LIPA: variants seen among roughly 807,000 people sequenced by gnomAD.
LIPA encodes lysosomal acid lipase/cholesteryl ester hydrolase.
A neutral mutation model predicts 40.6 loss-of-function variants in LIPA; 26 were observed. The ratio of observed to expected loss-of-function variants is 0.64; its 90% CI spans 0.47 to 0.89. The LOEUF (loss-of-function observed/expected upper bound fraction) is 0.89. Among genes scored for constraint, LIPA ranks in the 40% least tolerant of loss-of-function variants. The pLI is 0.00. For synonymous variants in LIPA, 188 were observed against 168.4 expected (o/e 1.12, Z -0.90); for missense variants, 455 against 479.6 (o/e 0.95, Z 0.48).
At chr10:89,247,415 A>C (rs905216524) in intron 2 of LIPA, 123 bp downstream of exon 2, 10 of 585,002 alleles carry the variant, frequency 1.7e-5, no homozygotes, top group African/African-American at 1.4e-4. Flanking sequence ...AAAAAAATTC[A>C]GAGAAATTGA....
intron 1 of LIPA, among the ~76,000 whole-genome samples, chr10:89,264,444 A>G (rs757344101): frequency 6.2e-4 from 94 of 152,208 alleles, no homozygotes; most frequent in Admixed American, 1.4e-3. Flanking sequence ...GATTGTCCCA[A>G]TGAGTGTGCA....
At chr10:89,235,124 G>T (rs1187366403) in intron 3 of LIPA, among the ~76,000 whole-genome samples, 2 of 152,256 alleles carry the variant, frequency 1.3e-5, no homozygotes, top group Non-Finnish European at 1.5e-5. Flanking sequence ...AGTGCTTGAA[G>T]AAAGTAATCT....
intron 1 of LIPA, chr10:89,338,282 T>G (rs1843780060): frequency 5.6e-6 from 1 of 179,382 alleles, no homozygotes; most frequent in Non-Finnish European, 1.2e-5. Context: ...AGTCCAAGTC[T>G]AAAAGTCTGA....
At chr10:89,356,331 G>C (rs1843988249) in intron 2 of LIPA, among the ~76,000 whole-genome samples, 1 of 152,140 alleles carries the variant, frequency 6.6e-6, no homozygotes, top group Admixed American at 6.5e-5. Flanking sequence ...ATCCTTTAAA[G>C]CAGGTGTCCC....
intron 1 of LIPA, among the ~76,000 whole-genome samples, chr10:89,271,087 C>G (rs1048468386): frequency 6.6e-6 from 1 of 152,194 alleles, no homozygotes; most frequent in African/African-American, 2.4e-5. Context: ...GTCACATGAG[C>G]AAGATTCCTG....
intron 2 of LIPA, among the ~76,000 whole-genome samples, chr10:89,408,636 A>G (rs1363844482): frequency 1.3e-5 from 2 of 152,236 alleles, no homozygotes; most frequent in Non-Finnish European, 2.9e-5. Flanking sequence ...GATTTAAAGC[A>G]GATCAAGGCA....
At chr10:89,403,136 G>A (rs1844465931) in intron 2 of LIPA, 4 of 1,613,962 alleles carry the variant, frequency 2.5e-6, no homozygotes, top group South Asian at 1.1e-5. Flanking sequence ...CTGTCTTACT[G>A]CATCACCAGA....
rs144541263 is a variant in LIPA, at chr10:89,383,337, G to C, written c.61+29454C>G. ...TTTACAGTGAAGAATCTGATGGAAA[G>C]CTTATTGAAGACAGCCTGATTCAGC... On this transcript the variant is annotated intron_variant, in intron 2 of 8. Transcript: ENST00000371837. 3.7e-6 allele frequency: 6 copies of C among 1,612,996 alleles called. No homozygotes were observed. In the African/African-American group the frequency reaches 8.0e-5, roughly 22 times the overall value.
chr10:89,340,159 C>T, intron 1 of LIPA: 1 of 1,541,472 alleles, frequency 6.5e-7, no homozygotes, highest in Non-Finnish European at 8.7e-7. Flanking sequence ...CATCAGAAGC[C>T]TGCAGTGGTG....
intron 1 of LIPA, among the ~76,000 whole-genome samples, chr10:89,298,161 C>T (rs1470672102): frequency 1.3e-5 from 2 of 152,358 alleles, no homozygotes; most frequent in East Asian, 3.9e-4. Flanking sequence ...ACTCACCCAC[C>T]TGGCCCACTG....
At chr10:89,218,292 T>G (rs533171146) in intron 8 of LIPA, among the ~76,000 whole-genome samples, 1 of 152,316 alleles carries the variant, frequency 6.6e-6, no homozygotes, top group South Asian at 2.1e-4. Context: ...GAAAACACTC[T>G]AACATATAAG....
At chr10:89,403,699 G>C in intron 2 of LIPA, 1 of 1,582,164 alleles carries the variant, frequency 6.3e-7, no homozygotes, top group Non-Finnish European at 8.6e-7. Context: ...AACTCTGTGA[G>C]ACAAGGTCCT....
intron 1 of LIPA, among the ~76,000 whole-genome samples, chr10:89,250,098 C>CTTTCTTTTTTTTTTTTTTTTTTTTTTTTT (rs1564767178): frequency 2.5e-4 from 25 of 101,664 alleles, no homozygotes; most frequent in South Asian, 3.9e-4. Context: ...TTTTTCTTTT[C>CTTTCTTTTTTTTTTTTTTTTTTTTTTTTT]TTTTCTTTCT....
chr10:89,391,097 G>T (rs1844245787), intron 2 of LIPA, among the ~76,000 whole-genome samples: 1 of 152,222 alleles, frequency 6.6e-6, no homozygotes, highest in Non-Finnish European at 1.5e-5. Context: ...TTTAGATCTG[G>T]CAGTGTGCCC....
intron 2 of LIPA, among the ~76,000 whole-genome samples, chr10:89,372,841 T>A (rs553439524): frequency 6.6e-6 from 1 of 152,194 alleles, no homozygotes; most frequent in African/African-American, 2.4e-5. Context: ...ACTTTTCAAG[T>A]CCCAAGATAC....
At chr10:89,229,395 T>C (rs577094797) in intron 3 of LIPA, among the ~76,000 whole-genome samples, 2 of 152,350 alleles carry the variant, frequency 1.3e-5, no homozygotes, top group East Asian at 1.9e-4. Context: ...TGCATGATAC[T>C]ATAGAGGTAG....
At chr10:89,219,323 A>T (rs1842667613) in intron 8 of LIPA, among the ~76,000 whole-genome samples, 1 of 152,156 alleles carries the variant, frequency 6.6e-6, no homozygotes, top group African/African-American at 2.4e-5. Context: ...TCAGAACAAC[A>T]CTGGAAAACT....
chr10:89,338,737 G>C lies in LIPA; in HGVS notation c.-2+3874C>G, dbSNP rs1311839637. The stretch of plus-strand genomic sequence containing the variant: ...TTTCACCTGGAACTTATTCAAGGAA[G>C]ACAGTGTCTCAAGGGATCTAGAAGA... On this transcript the variant is annotated intron_variant, in intron 1 of 5. Transcript: ENST00000282673. The C allele has an allele frequency of 3.7e-6, 6 of 1,613,902 alleles. No individual in the cohort carries two copies. Among genetic ancestry groups the C allele is most frequent in the Non-Finnish European group, 5.1e-6 (6 of 1,179,892 alleles).
intron 1 of LIPA, among the ~76,000 whole-genome samples, chr10:89,303,224 T>A (rs1346781481): frequency 6.6e-6 from 1 of 152,180 alleles, no homozygotes; most frequent in Middle Eastern, 3.2e-3. Context: ...AAGACAGTGG[T>A]TCTCAAAATT....
Sources: gnomAD v4.1 joint callset for allele counts (sites outside exome capture counted in the v4.1 genomes callset) on GRCh38, gnomAD v4.1.1 for gene constraint, MANE v1.5 for transcripts, NCBI Gene and HGNC (gene_info 2026-07-23, HGNC 2026-07-21) for gene names.